GRM5: variants seen among roughly 807,000 people sequenced by gnomAD.
GRM5 encodes the protein glutamate metabotropic receptor 5, also known as metabotropic glutamate receptor 5.
A neutral mutation model predicts 83.1 loss-of-function variants in GRM5; 19 were observed. The ratio of observed to expected loss-of-function variants is 0.23; its 90% CI spans 0.16 to 0.34. The LOEUF (loss-of-function observed/expected upper bound fraction) is 0.34, where lower values mean the gene tolerates loss of function less well. Ranked by LOEUF, GRM5 falls within the 10% of genes least tolerant of loss-of-function variation. GRM5 has a pLI of 1.00. For synonymous variants in GRM5, 675 were observed against 633.6 expected, an observed-to-expected ratio of 1.07 and a Z score of -0.98; for missense variants, 1,160 against 1,588.3, an observed-to-expected ratio of 0.73 and a Z score of 4.58.
chr11:88,794,022 T>C (rs1312261408), intron 3 of GRM5, among the ~76,000 whole-genome samples: 1 of 152,132 alleles, frequency 6.6e-6, no homozygotes, highest in Admixed American at 6.6e-5. Context: ...AGGATCTCTT[T>C]ATGTTTCTCA....
In GRM5 at chr11:88,508,518, G is replaced by T. The variant is rs1941242064; in HGVS notation, c.*74C>A. ...CCCTGGGCCGTAACCAGGCGACTAT[G>T]CTTGCCATTGTGTGTGTGTGAACAC... is the stretch of plus-strand genomic sequence containing the variant. On this transcript the variant is annotated 3_prime_UTR_variant, in exon 10 of 10. Coordinates refer to ENST00000305447, the MANE Select transcript of GRM5 (RefSeq NM_001143831.3). This position sits in a 1 kb window ranked among gnomAD's most constrained non-coding sequence, Gnocchi z 4.2. 3 of 1,261,296 alleles carry T rather than the reference G, an allele frequency of 2.4e-6. No individual in the cohort carries two copies. The highest frequency in any genetic ancestry group is 1.5e-5 in the African/African-American group (1 of 65,240). 78.1% of individuals were successfully genotyped at this position (1,261,296 alleles called of 1,614,324 possible).
intron 3 of GRM5, among the ~76,000 whole-genome samples, chr11:88,836,617 G>T (rs535749612): frequency 2.6e-5 from 4 of 152,068 alleles, no homozygotes; most frequent in African/African-American, 9.6e-5. Context: ...GATGGCAAAA[G>T]CTTGTCTCTA....
At position 88,642,930 on chromosome 11, in the gene GRM5, G is replaced by T. The variant is rs571460531; in HGVS notation, c.1147+10238C>A. 1.1e-4 allele frequency among the ~76,000 whole-genome samples: 17 copies of T among 152,068 alleles called. No individual in the cohort carries two copies. The East Asian group carries it at 3.3e-3, about 29-fold the overall frequency. On this transcript the variant is annotated intron_variant, in intron 4 of 9. Coordinates refer to ENST00000305447, the MANE Select transcript of GRM5 (RefSeq NM_001143831.3). ...CCCTTATCTTCCTGTCTTTTCCTGA[G>T]CTCCCCCAAATCTTTTGACCTCTGC... is the stretch of plus-strand genomic sequence containing the variant.
At chr11:88,624,130 C>T (rs1294022886) in intron 4 of GRM5, among the ~76,000 whole-genome samples, 1 of 152,170 alleles carries the variant, frequency 6.6e-6, no homozygotes, top group Non-Finnish European at 1.5e-5. Flanking sequence ...AAGAGAATTA[C>T]ATTATTCAAC....
intron 3 of GRM5, among the ~76,000 whole-genome samples, chr11:88,845,423 C>CTTGTTTTTT (rs1944282871): frequency 1.1e-5 from 1 of 92,448 alleles, no homozygotes; most frequent in African/African-American, 4.5e-5. Context: ...ATAAACATAA[C>CTTGTTTTTT]TTTTTTTTTT....
At chr11:88,680,464 T>C (rs575619217) in intron 3 of GRM5, among the ~76,000 whole-genome samples, 1 of 152,230 alleles carries the variant, frequency 6.6e-6, no homozygotes, top group Non-Finnish European at 1.5e-5. Flanking sequence ...TGCGCCACAT[T>C]TTCTTAATCC....
intron 3 of GRM5, among the ~76,000 whole-genome samples, chr11:88,789,040 C>A (rs899714104): frequency 2.6e-5 from 4 of 152,136 alleles, no homozygotes; most frequent in Admixed American, 2.0e-4. Context: ...AAGCTAAGAT[C>A]TTTTTGGACC....
intron 2 of GRM5, among the ~76,000 whole-genome samples, chr11:88,980,471 G>T (rs1170520259): frequency 6.6e-6 from 1 of 152,102 alleles, no homozygotes; most frequent in Non-Finnish European, 1.5e-5. Flanking sequence ...CTCCTAAAAA[G>T]TTAGTTTAAT....
chr11:88,967,254 T>TATATATATATATACACAC (rs1555050451), intron 2 of GRM5, among the ~76,000 whole-genome samples: 61 of 21,448 alleles, frequency 2.8e-3, no homozygotes, highest in Non-Finnish European at 4.0e-3. Context: ...TACACATATA[T>TATATATATATATACACAC]ATATATATAT....
chr11:88,979,371 T>C (rs1939450013), intron 2 of GRM5, among the ~76,000 whole-genome samples: 1 of 152,242 alleles, frequency 6.6e-6, no homozygotes, highest in African/African-American at 2.4e-5. Context: ...AAATATTTCC[T>C]GGAATAAGAA....
chr11:89,049,986 C>T (rs1369438462), intron 1 of GRM5, among the ~76,000 whole-genome samples: 2 of 152,084 alleles, frequency 1.3e-5, no homozygotes, highest in African/African-American at 2.4e-5. Flanking sequence ...AGAATGTTAG[C>T]GAGTGAACAA....
intron 3 of GRM5, among the ~76,000 whole-genome samples, chr11:88,733,448 T>C (rs1366835452): frequency 6.6e-6 from 1 of 152,042 alleles, no homozygotes; most frequent in African/African-American, 2.4e-5. Context: ...CTATGCATTG[T>C]GAGGGATGGA....
chr11:88,721,341 C>G (rs1003991579), intron 3 of GRM5, among the ~76,000 whole-genome samples: 1 of 152,006 alleles, frequency 6.6e-6, no homozygotes, highest in Non-Finnish European at 1.5e-5. Context: ...ATTAAAGCCA[C>G]CCCTGCATCA....
intron 2 of GRM5, among the ~76,000 whole-genome samples, chr11:88,950,972 G>A (rs1938441713): frequency 6.6e-6 from 1 of 152,058 alleles, no homozygotes; most frequent in African/African-American, 2.4e-5. Flanking sequence ...CATCAGTGTT[G>A]GGAAAAACCA....
chr11:88,763,977 CCACT>C (rs1443357722), intron 3 of GRM5, among the ~76,000 whole-genome samples: 4 of 151,132 alleles, frequency 2.6e-5, no homozygotes, highest in Non-Finnish European at 5.9e-5. Flanking sequence ...TACCAGAGAC[CCACT>C]GAGATTCAAA....
intron 7 of GRM5, among the ~76,000 whole-genome samples, chr11:88,588,913 T>A (rs1415257162): frequency 1.3e-5 from 2 of 152,114 alleles, no homozygotes; most frequent in Non-Finnish European, 1.5e-5. Context: ...TTTTTCCACC[T>A]CAATTTCTCA....
chr11:88,834,470 A>T (rs919826401), intron 3 of GRM5, among the ~76,000 whole-genome samples: 3 of 152,210 alleles, frequency 2.0e-5, no homozygotes, highest in Admixed American at 2.0e-4. Context: ...TAATGACTGA[A>T]TGATATCTAA....
rs1250974384 is a variant in GRM5, at chr11:88,567,598, C to G, written c.2085G>C (p.Val695=). Residue 695 remains valine, a synonymous_variant, in exon 8 of 10, where the codon GTG becomes GTC. Transcript: ENST00000305447. The surrounding 1 kb of genome is among the most constrained non-coding windows in gnomAD (Gnocchi z 7.3). ...PRFMSACAQL[V]IAFILICIQL... ...GGATGCATATGAGAATGAAAGCAAT[C>G]ACTAGCTGGGCACAGGCACTCATGA... 3.1e-6 allele frequency: 5 copies of G among 1,614,010 alleles called. No homozygotes were observed. The highest frequency in any genetic ancestry group is 4.2e-6 in the Non-Finnish European group (5 of 1,180,004).
At chr11:88,736,244 G>T (rs554758425) in intron 3 of GRM5, among the ~76,000 whole-genome samples, 4 of 152,038 alleles carry the variant, frequency 2.6e-5, no homozygotes, top group Non-Finnish European at 4.4e-5. Context: ...TGAAAGTAAC[G>T]GATGCCTAAT....
Sources: gnomAD v4.1 joint callset for allele counts (sites outside exome capture counted in the v4.1 genomes callset) on GRCh38, gnomAD v4.1.1 for gene constraint, Gnocchi (gnomAD v3.1) non-coding constraint, MANE v1.5 for transcripts, NCBI Gene and HGNC (gene_info 2026-07-23, HGNC 2026-07-21) for gene names.